MTMR12: variants seen among roughly 807,000 people sequenced by gnomAD.
The protein encoded by MTMR12 is myotubularin-related protein 12.
In MTMR12, 33 loss-of-function variants were observed where a neutral mutation model predicts 96.7. The ratio of observed to expected loss-of-function variants is 0.34; its 90% CI spans 0.26 to 0.46. The LOEUF (loss-of-function observed/expected upper bound fraction) is 0.46, where lower values mean the gene tolerates loss of function less well. MTMR12 is among the 20% of genes least tolerant of loss of function. MTMR12 has a pLI of 1.00. For synonymous variants in MTMR12, 298 were observed against 327.2 expected (o/e 0.91, Z 0.96); for missense variants, 721 against 896.1 (o/e 0.80, Z 2.49).
intron 1 of MTMR12, among the ~76,000 whole-genome samples, chr5:32,286,527 A>T (rs1282365972): frequency 6.6e-6 from 1 of 152,096 alleles, no homozygotes; most frequent in Non-Finnish European, 1.5e-5. Context: ...CTCAAAAAAA[A>T]AAAAGGATTG....
rs1485339470 is a variant in MTMR12, at chr5:32,228,601, T to TCAC, written c.*1176_*1177insGTG. 8.0e-6 allele frequency: 1 copy of TCAC among 124,248 alleles called. No homozygotes were observed. Among genetic ancestry groups the TCAC allele is most frequent in the African/African-American group, 2.9e-5 (1 of 33,970 alleles). The allele number at this position is 124,248 out of a possible 1,614,324, so 7.7% of individuals were successfully genotyped here. ...ATATCATATATATGTGATATATATA[T>TCAC]ATATATCATATATATGATATATATA... On this transcript the variant is annotated 3_prime_UTR_variant, in exon 16 of 16. Transcript: ENST00000382142.
At chr5:32,308,129 C>CT (rs1417040823) in intron 1 of MTMR12, among the ~76,000 whole-genome samples, 1 of 152,158 alleles carries the variant, frequency 6.6e-6, no homozygotes, top group Non-Finnish European at 1.5e-5. Context: ...CGAGACCAGC[C>CT]TGGCCAATAT....
chr5:32,233,903 G>C lies in MTMR12; in HGVS notation c.1544C>G (p.Pro515Arg), dbSNP rs144765679. Reference protein sequence around the residue: ...GREGQDTQSKPLNLLTVWDWS... With the variant: ...GREGQDTQSKRLNLLTVWDWS... ...ATCCCACACGGTGAGCAGATTCAAA[G>C]GCTTGCTTTGTGTATCCTGGCCTTC... The change falls in exon 15 of 16, where the codon CCT becomes CGT. Residue 515 changes from proline to arginine, a missense_variant. By Grantham distance (103) the Pro-to-Arg change is moderately radical. Transcript: ENST00000382142. This position sits in a 1 kb window ranked among gnomAD's most constrained non-coding sequence, Gnocchi z 5.0. The C allele has an allele frequency of 6.2e-7, 1 of 1,614,168 alleles. No homozygotes were observed. The highest frequency in any genetic ancestry group is 1.3e-5 in the African/African-American group (1 of 75,040).
At chr5:32,298,706 T>C (rs937107836) in intron 1 of MTMR12, among the ~76,000 whole-genome samples, 5 of 151,570 alleles carry the variant, frequency 3.3e-5, no homozygotes, top group Non-Finnish European at 7.4e-5. Flanking sequence ...CCCAGCACTT[T>C]GGGAGGCAGA....
chr5:32,271,095 G>A, intron 4 of MTMR12, 148 bp from the exon 5 acceptor site: 1 of 954,344 alleles, frequency 1.0e-6, no homozygotes, highest in Non-Finnish European at 1.5e-6. Context: ...GACTGCCAAA[G>A]GAAGCCCAAT....
intron 7 of MTMR12, among the ~76,000 whole-genome samples, chr5:32,262,347 T>C (rs1385707383): frequency 6.6e-6 from 1 of 152,132 alleles, no homozygotes; most frequent in Non-Finnish European, 1.5e-5. Context: ...ATGCCTGTAA[T>C]CCTAGAAGTT....
chr5:32,299,596 G>A (rs755637859), intron 1 of MTMR12, among the ~76,000 whole-genome samples: 8 of 152,164 alleles, frequency 5.3e-5, no homozygotes, highest in African/African-American at 1.9e-4. Flanking sequence ...AAAAGGCTTG[G>A]AGCAGGAAGA....
intron 6 of MTMR12, among the ~76,000 whole-genome samples, chr5:32,268,245 C>T (rs1459176700): frequency 1.3e-5 from 2 of 152,018 alleles, no homozygotes; most frequent in Non-Finnish European, 2.9e-5. Flanking sequence ...CAGTGGCTCA[C>T]ACCTGTAATC....
At chr5:32,238,121 G>A (rs910734996) in intron 13 of MTMR12, among the ~76,000 whole-genome samples, 3 of 115,842 alleles carry the variant, frequency 2.6e-5, no homozygotes, top group African/African-American at 9.9e-5. Flanking sequence ...TCTAGCCTGT[G>A]CAACAGAGCA....
At chr5:32,238,950 G>A (rs773139200) in intron 13 of MTMR12, 51 bp downstream of exon 13, 2 of 1,464,954 alleles carry the variant, frequency 1.4e-6, no homozygotes, top group Non-Finnish European at 1.8e-6. Flanking sequence ...TTAAATAAGA[G>A]ATTCAGTAGT....
At chr5:32,231,659 A>C (rs979668175) in intron 15 of MTMR12, among the ~76,000 whole-genome samples, 1 of 152,234 alleles carries the variant, frequency 6.6e-6, no homozygotes, top group African/African-American at 2.4e-5. Context: ...AATAACAATA[A>C]AAATATTAAA....
intron 1 of MTMR12, among the ~76,000 whole-genome samples, chr5:32,305,246 G>A (rs777224426): frequency 7.2e-5 from 11 of 151,956 alleles, no homozygotes; most frequent in Non-Finnish European, 1.0e-4. Flanking sequence ...TCGCTACCAC[G>A]CCCGGCTAAT....
intron 13 of MTMR12, among the ~76,000 whole-genome samples, chr5:32,237,066 T>C (rs1748265366): frequency 6.6e-6 from 1 of 152,198 alleles, no homozygotes; most frequent in Non-Finnish European, 1.5e-5. Flanking sequence ...GAGAGAGACC[T>C]GGATCACCCA....
chr5:32,241,932 G>A, intron 12 of MTMR12, 125 bp downstream of exon 12: 1 of 729,930 alleles, frequency 1.4e-6, no homozygotes, highest in Admixed American at 2.8e-5. Context: ...TAGGGAGAAA[G>A]GAATAGGAAG....
intron 1 of MTMR12, among the ~76,000 whole-genome samples, chr5:32,286,346 T>C (rs752821343): frequency 1.3e-5 from 2 of 151,684 alleles, no homozygotes; most frequent in Non-Finnish European, 2.9e-5. Context: ...CTCCAAAAAA[T>C]AAATAATAAA....
At chr5:32,232,938 GA>G in intron 15 of MTMR12, 1 of 980,690 alleles carries the variant, frequency 1.0e-6, no homozygotes. Context: ...AGAAGGCAGT[GA>G]CACACATCGA....
rs1750065399 is a variant in MTMR12, at chr5:32,276,706, C to T, written c.118G>A (p.Glu40Lys). The T allele has an allele frequency of 6.2e-7, 1 of 1,613,758 alleles. No individual in the cohort carries two copies. The highest frequency in any genetic ancestry group is 1.3e-5 in the African/African-American group (1 of 74,890). The change falls in exon 2 of 16, where the codon GAA becomes AAA. Residue 40 changes from glutamate (E) to lysine (K), a missense_variant. Glu to Lys is a moderately conservative substitution (Grantham distance 56, BLOSUM62 1). Coordinates refer to ENST00000382142, the MANE Select transcript of MTMR12 (RefSeq NM_001040446.3). The part of the protein sequence containing the change: ...HTNEKEVTEK[E>K]VTLHLLPGEQ... The stretch of plus-strand genomic sequence containing the variant: ...CCTGGCAACAAGTGAAGAGTTACTT[C>T]CTTCTCTGTTACTTCCTTTTCGTTT...
At chr5:32,244,245 C>T (rs1748586466) in intron 10 of MTMR12, among the ~76,000 whole-genome samples, 1 of 151,520 alleles carries the variant, frequency 6.6e-6, no homozygotes, top group South Asian at 2.1e-4. Context: ...CGCCACTGCA[C>T]CCTAGCCTTG....
At position 32,251,207 on chromosome 5, in the gene MTMR12, C is replaced by T. The variant is rs184647797; in HGVS notation, c.790-2329G>A. Reference sequence around the variant, plus strand: ...AGTAGCTGGGACTACAGGCGCCCGCCACTACGCCCGGCTAATTTTTTGTAT... The same window carrying T: ...AGTAGCTGGGACTACAGGCGCCCGCTACTACGCCCGGCTAATTTTTTGTAT... On this transcript the variant is annotated intron_variant, in intron 8 of 15. Transcript: ENST00000382142. 7.1e-3 allele frequency among the ~76,000 whole-genome samples: 1,085 copies of T among 152,146 alleles called. 14 individuals are homozygous for T. The highest frequency in any genetic ancestry group is 0.024 in the African/African-American group (1,010 of 41,500).
Sources: allele counts gnomAD v4.1 joint callset (sites outside exome capture counted in the v4.1 genomes callset), GRCh38; gene constraint gnomAD v4.1.1; non-coding constraint Gnocchi (gnomAD v3.1); transcripts MANE v1.5; gene names NCBI Gene and HGNC (gene_info 2026-07-23, HGNC 2026-07-21).